AGTPBP1: variants seen among roughly 807,000 people sequenced by gnomAD.
AGTPBP1 encodes the protein ATP/GTP binding carboxypeptidase 1, also known as cytosolic carboxypeptidase 1.
In AGTPBP1, 70 loss-of-function variants were observed where a neutral mutation model predicts 143.9. The observed-to-expected ratio is 0.49, with a 90% CI of 0.40 to 0.59. The LOEUF (loss-of-function observed/expected upper bound fraction) is 0.59. Ranked by LOEUF, AGTPBP1 falls within the 20% of genes least tolerant of loss-of-function variation. AGTPBP1 has a pLI of 0.00. For synonymous variants in AGTPBP1, 463 were observed against 500.2 expected (o/e 0.93, Z 0.99); for missense variants, 1,229 against 1,464.5 (o/e 0.84, Z 2.62).
In AGTPBP1 at chr9:85,573,733, G is replaced by A. The variant is rs1013942582; in HGVS notation, c.3503+1582C>T. Among the ~76,000 whole-genome samples, 3 of 151,874 alleles carry A rather than the reference G, an allele frequency of 2.0e-5. No individual in the cohort carries two copies. In the South Asian group the frequency reaches 6.2e-4, roughly 31 times the overall value. On this transcript the variant is annotated intron_variant, in intron 25 of 25. Coordinates refer to ENST00000357081, the MANE Select transcript of AGTPBP1 (RefSeq NM_001330701.2). The stretch of plus-strand genomic sequence containing the variant: ...TGCCCGGCCGCCCATCATCTGAGAT[G>A]TGGGGAGCGCCTCTGCCCCACCACC...
intron 14 of AGTPBP1, among the ~76,000 whole-genome samples, chr9:85,630,232 T>C (rs1327277823): frequency 6.6e-6 from 1 of 152,166 alleles, no homozygotes; most frequent in Non-Finnish European, 1.5e-5. Context: ...CACAATGAGA[T>C]ATGCTCCTGT....
intron 2 of AGTPBP1, among the ~76,000 whole-genome samples, chr9:85,695,014 A>T (rs1836135178): frequency 6.6e-6 from 1 of 152,106 alleles, no homozygotes; most frequent in African/African-American, 2.4e-5. Flanking sequence ...CTATATGACT[A>T]CCCACATCCA....
intron 2 of AGTPBP1, among the ~76,000 whole-genome samples, chr9:85,701,118 G>A (rs1315934911): frequency 2.0e-5 from 3 of 151,796 alleles, no homozygotes; most frequent in African/African-American, 7.3e-5. Context: ...CACCATGTTG[G>A]CCAGGCTGGT....
At chr9:85,789,743 A>T in the AGTPBP1 span, among the ~76,000 whole-genome samples, 1 of 152,190 alleles carries the variant, frequency 6.6e-6, no homozygotes, top group African/African-American at 2.4e-5. Context: ...GCCACTAGCC[A>T]TTGCCTTGTT....
chr9:85,646,386 C>T lies in AGTPBP1; in HGVS notation c.1120G>A (p.Asp374Asn), dbSNP rs1194558343. 4 of 1,612,978 alleles carry T rather than the reference C, an allele frequency of 2.5e-6. No individual in the cohort carries two copies. The highest frequency in any genetic ancestry group is 1.7e-6 in the Non-Finnish European group (2 of 1,179,702). Residue 374 changes from aspartate to asparagine, a missense_variant, in exon 12 of 26, where the codon GAT becomes AAT. Coordinates refer to ENST00000357081, the MANE Select transcript of AGTPBP1 (RefSeq NM_001330701.2). ...TTTTCAGCTTCTACATCAATATCAT[C>T]GTTGTCATCACTTTCATCTACTACG... ...DDVVDESDDNDDIDVEAENET... is the reference protein window; with the variant it reads ...DDVVDESDDNNDIDVEAENET...
At chr9:85,738,062 A>ACTTTTTT (rs1823926019) in intron 1 of AGTPBP1, among the ~76,000 whole-genome samples, 1 of 152,176 alleles carries the variant, frequency 6.6e-6, no homozygotes, top group African/African-American at 2.4e-5. Flanking sequence ...TTTTGTTTTA[A>ACTTTTTT]AAAAAAGTTG....
rs532528710 is a variant in AGTPBP1 at position 85,550,935 on chromosome 9, CCAGTGT to C, written c.3504-3655_3504-3650del. Among the ~76,000 whole-genome samples the C allele has an allele frequency of 6.4e-4, 97 of 152,142 alleles. 1 individual carries two copies. The highest frequency in any genetic ancestry group is 1.1e-3 in the Admixed American group (17 of 15,288). ...CAAATCTCATGTTGAAATGTAATGC[CCAGTGT>C]CAGAGGTGGGGCCTGGTGGGAGGTG... On this transcript the variant is annotated intron_variant, in intron 25 of 25. Coordinates refer to ENST00000357081, the MANE Select transcript of AGTPBP1 (RefSeq NM_001330701.2).
chr9:85,671,604 A>G (rs1834486333), intron 7 of AGTPBP1, among the ~76,000 whole-genome samples: 1 of 152,136 alleles, frequency 6.6e-6, no homozygotes, highest in Non-Finnish European at 1.5e-5. Flanking sequence ...ATTATTTTGC[A>G]ATGATATTCT....
intron 1 of AGTPBP1, among the ~76,000 whole-genome samples, chr9:85,734,689 C>G (rs913791071): frequency 6.6e-6 from 1 of 152,166 alleles, no homozygotes; most frequent in Non-Finnish European, 1.5e-5. Context: ...CTATGAAAAA[C>G]AGTATGAAGG....
At position 85,741,950 on chromosome 9, in the gene AGTPBP1, A is replaced by T. The variant is rs1466867372; in HGVS notation, c.-209T>A. On this transcript the variant is annotated 5_prime_UTR_variant, in exon 1 of 26. Coordinates refer to ENST00000357081, the MANE Select transcript of AGTPBP1 (RefSeq NM_001330701.2). Reference sequence around the variant, plus strand: ...GCGGCGGCGGCGCTGGAGGCGGCGGAACCTGTCCGCATCCCGGGCAACGTC... The same window carrying T: ...GCGGCGGCGGCGCTGGAGGCGGCGGTACCTGTCCGCATCCCGGGCAACGTC... The T allele has an allele frequency of 7.8e-7, 1 of 1,277,206 alleles. No individual in the cohort carries two copies. The highest frequency in any genetic ancestry group is 1.6e-5 in the African/African-American group (1 of 64,182). The allele number at this position is 1,277,206 out of a possible 1,614,324, so 79.1% of individuals were successfully genotyped here. A position where few individuals can be genotyped will look rare whatever the true frequency, so the allele number is the denominator to read the frequency against.
At chr9:85,582,548 T>C (rs1828335007) in intron 23 of AGTPBP1, among the ~76,000 whole-genome samples, 1 of 151,834 alleles carries the variant, frequency 6.6e-6, no homozygotes, top group South Asian at 2.1e-4. Context: ...GGAGTGGTGG[T>C]GGGCACCTGT....
Position 85,741,822 on chromosome 9 carries a change from C to G in AGTPBP1, c.-81G>C. The G allele has an allele frequency of 2.2e-6, 3 of 1,393,412 alleles. No individual in the cohort carries two copies. The highest frequency in any genetic ancestry group is 2.8e-6 in the Non-Finnish European group (3 of 1,075,202). The allele number at this position is 1,393,412 out of a possible 1,614,324, so 86.3% of individuals were successfully genotyped here. A position where few individuals can be genotyped will look rare whatever the true frequency, so the allele number is the denominator to read the frequency against. ...GGGGACCGCGCAGAGCCGCAGCACC[C>G]GGCTCAGCACCTGGATCACGGCGGA... is the stretch of plus-strand genomic sequence containing the variant. On this transcript the variant is annotated 5_prime_UTR_variant, in exon 1 of 26. Transcript: ENST00000357081.
intron 21 of AGTPBP1, among the ~76,000 whole-genome samples, chr9:85,587,953 A>G (rs781719534): frequency 2.3e-4 from 33 of 146,304 alleles, no homozygotes; most frequent in Non-Finnish European, 3.7e-4. Flanking sequence ...TGCCACTAAT[A>G]AAAAAAAAAT....
intron 1 of AGTPBP1, among the ~76,000 whole-genome samples, chr9:85,726,229 C>A (rs1158061916): frequency 9.2e-4 from 113 of 122,966 alleles, no homozygotes; most frequent in Admixed American, 1.2e-3. Context: ...GACTCTGTCT[C>A]AAAAAAAAAA....
the AGTPBP1 span, among the ~76,000 whole-genome samples, chr9:85,769,050 C>CA: frequency 0.041 from 2,462 of 59,974 alleles, 44 homozygotes; most frequent in African/African-American, 0.09. Flanking sequence ...GAGGCCCTGT[C>CA]AAAAAAAAAA....
chr9:85,688,096 T>TAAAAAAA (rs58523894), intron 3 of AGTPBP1, among the ~76,000 whole-genome samples: 119 of 34,232 alleles, frequency 3.5e-3, no homozygotes, highest in Non-Finnish European at 4.0e-3. Context: ...GTCTCAAAAT[T>TAAAAAAA]AAAAAAAAAA....
intron 18 of AGTPBP1, among the ~76,000 whole-genome samples, chr9:85,595,225 C>A (rs903822790): frequency 1.2e-4 from 18 of 152,142 alleles, no homozygotes; most frequent in Admixed American, 6.6e-5. Flanking sequence ...CATGTCAAAA[C>A]AGTTTAATTT....
chr9:85,554,445 T>G (rs974612322), intron 25 of AGTPBP1, among the ~76,000 whole-genome samples: 1 of 152,198 alleles, frequency 6.6e-6, no homozygotes, highest in African/African-American at 2.4e-5. Flanking sequence ...CTGGTAGTCC[T>G]GTGGTGCTGG....
intron 25 of AGTPBP1, among the ~76,000 whole-genome samples, chr9:85,562,811 A>G (rs1826828785): frequency 6.6e-6 from 1 of 152,216 alleles, no homozygotes; most frequent in Admixed American, 6.5e-5. Context: ...AATTGGGCGA[A>G]TATTTACATC....
Sources: allele counts gnomAD v4.1 joint callset (sites outside exome capture counted in the v4.1 genomes callset), GRCh38; gene constraint gnomAD v4.1.1; transcripts MANE v1.5; gene names NCBI Gene and HGNC (gene_info 2026-07-23, HGNC 2026-07-21).